DDX39B: variants seen among roughly 807,000 people sequenced by gnomAD.
DDX39B encodes the protein spliceosome RNA helicase DDX39B.
Under a neutral mutation model 46.4 loss-of-function variants are expected in DDX39B, and 6 were observed. The ratio of observed to expected loss-of-function variants is 0.13; its 90% confidence interval spans 0.07 to 0.26. DDX39B has a LOEUF of 0.26. Among genes scored for constraint, DDX39B ranks in the 10% least tolerant of loss-of-function variants. The pLI is 1.00. For missense variants in DDX39B, 185 were observed against 553.4 expected (o/e 0.33, Z 6.68); for synonymous variants, 174 against 199.4 (o/e 0.87, Z 1.07).
rs965271111 is a variant in DDX39B, at chr6:31,535,575, G to C, written c.617-90C>G. The stretch of plus-strand genomic sequence containing the variant: ...TAGACTTCCCAGTGAGGTGAAGATT[G>C]CTGGAAATAGTAACAACACAATGGA... On this transcript the variant is annotated intron_variant, in intron 5 of 10. Coordinates refer to ENST00000396172, the MANE Select transcript of DDX39B (RefSeq NM_004640.7). The surrounding 1 kb of genome is among the most constrained non-coding windows in gnomAD (Gnocchi z 4.6). 1.1e-6 allele frequency: 1 copy of C among 946,228 alleles called. No homozygotes were observed. Among genetic ancestry groups the C allele is most frequent in the Non-Finnish European group, 1.7e-6 (1 of 602,798 alleles). The allele number at this position is 946,228 out of a possible 1,614,324, so 58.6% of individuals were successfully genotyped here.
Position 31,531,450 on chromosome 6 carries a change from G to A in DDX39B, c.868-45C>T, listed in dbSNP as rs1274122190. 1 of 1,562,082 alleles carries A rather than the reference G, an allele frequency of 6.4e-7. No homozygotes were observed. The highest frequency in any genetic ancestry group is 1.7e-5 in the Admixed American group (1 of 59,770). ...GGGGTCGCAAATTGGGGGAATAGGG[G>A]TCCATGGTGTGTGAGAGACATTACG... On this transcript the variant is annotated intron_variant, in intron 7 of 10. Coordinates refer to ENST00000396172, the MANE Select transcript of DDX39B (RefSeq NM_004640.7). The surrounding 1 kb of genome is among the most constrained non-coding windows in gnomAD (Gnocchi z 5.8).
At chr6:31,540,198 T>C in intron 2 of DDX39B, 124 bp downstream of exon 2, 3 of 1,087,762 alleles carry the variant, frequency 2.8e-6, no homozygotes, top group South Asian at 1.4e-5. Flanking sequence ...CGTGAGCCAC[T>C]GCACCTGGCC....
intron 2 of DDX39B, among the ~76,000 whole-genome samples, chr6:31,539,650 G>T (rs141292981): frequency 6.6e-6 from 1 of 151,868 alleles, no homozygotes. Flanking sequence ...GCTATACTTC[G>T]GGTCACGTAA....
rs777151694 is a variant in DDX39B at position 31,531,042 on chromosome 6, G to C, written c.1122+11C>G. On this transcript the variant is annotated intron_variant, in intron 9 of 10. Coordinates refer to ENST00000396172, the MANE Select transcript of DDX39B (RefSeq NM_004640.7). This position sits in a 1 kb window ranked among gnomAD's most constrained non-coding sequence, Gnocchi z 5.8. ...TGGGAGAGTGGGATTTTTTCAGCCT[G>C]TGAGGTTTACCCGATGCAGGTAGGT... The C allele has an allele frequency of 6.2e-7, 1 of 1,614,066 alleles. No individual in the cohort carries two copies. The highest frequency in any genetic ancestry group is 8.5e-7 in the Non-Finnish European group (1 of 1,179,992).
chr6:31,539,847 G>A (rs971322492), intron 2 of DDX39B, among the ~76,000 whole-genome samples: 3 of 152,210 alleles, frequency 2.0e-5, no homozygotes, highest in Non-Finnish European at 4.4e-5. Context: ...AAAATAAGCA[G>A]ACAAGAAAAG....
At chr6:31,533,131 C>G in intron 6 of DDX39B, 1 of 454,070 alleles carries the variant, frequency 2.2e-6, no homozygotes, top group South Asian at 2.2e-5. Flanking sequence ...TTAAGACTGC[C>G]CAACTAAAAA....
Position 31,534,761 on chromosome 6 carries a change from C to A in DDX39B, c.735+606G>T. ...CCGCGCCACGGTGCTTCTCTGTTGC[C>A]GGCTCACATCAACCGAGGTTCCAGA... On this transcript the variant is annotated intron_variant, in intron 6 of 10. Transcript: ENST00000396172. The surrounding 1 kb of genome is among the most constrained non-coding windows in gnomAD (Gnocchi z 5.1). 1 of 339,942 alleles carries A rather than the reference C, an allele frequency of 2.9e-6. No homozygotes were observed. The highest frequency in any genetic ancestry group is 5.8e-6 in the Non-Finnish European group (1 of 172,588). 21.1% of individuals were successfully genotyped at this position (339,942 alleles called of 1,614,324 possible).
Position 31,535,508 on chromosome 6 carries a change from T to G in DDX39B, c.617-23A>C. On this transcript the variant is annotated intron_variant, in intron 5 of 10. Transcript: ENST00000396172. The surrounding 1 kb of genome is among the most constrained non-coding windows in gnomAD (Gnocchi z 4.6). ...TGTCTACAAGAACAAGGAAAAAAAT[T>G]GTAGGAGAAAATAAGCAGGTATGAT... The G allele has an allele frequency of 6.3e-7, 1 of 1,592,266 alleles. No homozygotes were observed. Among genetic ancestry groups the G allele is most frequent in the South Asian group, 1.1e-5 (1 of 90,540 alleles).
In DDX39B at chr6:31,530,226, T is replaced by A; in HGVS notation, c.*208A>T. On this transcript the variant is annotated 3_prime_UTR_variant, in exon 11 of 11. Transcript: ENST00000396172. This position sits in a 1 kb window ranked among gnomAD's most constrained non-coding sequence, Gnocchi z 4.5. ...AATAAAGGGACGAAGCACTTATAGA[T>A]ACCACAGACACATGTGTTTCATTTT... is the stretch of plus-strand genomic sequence containing the variant. 1 of 768,004 alleles carries A rather than the reference T, an allele frequency of 1.3e-6. No individual in the cohort carries two copies. The highest frequency in any genetic ancestry group is 2.1e-6 in the Non-Finnish European group (1 of 482,118). The allele number at this position is 768,004 out of a possible 1,614,324, so 47.6% of individuals were successfully genotyped here. A position where few individuals can be genotyped will look rare whatever the true frequency, so the allele number is the denominator to read the frequency against.
intron 7 of DDX39B, 97 bp downstream of exon 7, chr6:31,532,683 A>G: frequency 6.8e-7 from 1 of 1,478,414 alleles, no homozygotes; most frequent in Non-Finnish European, 9.3e-7. Flanking sequence ...CCCACATCAC[A>G]CATGTGATTT....
At chr6:31,536,997 A>C (rs1266079) in intron 4 of DDX39B, among the ~76,000 whole-genome samples, 1 of 152,108 alleles carries the variant, frequency 6.6e-6, no homozygotes, top group East Asian at 1.9e-4. Context: ...GCACACGCCT[A>C]TAATTCCAGC....
intron 1 of DDX39B, chr6:31,541,263 T>A (rs1435563601): frequency 1.9e-6 from 1 of 526,972 alleles, no homozygotes; most frequent in African/African-American, 1.9e-5. Context: ...GTAATTAGCA[T>A]GGGGGGGAGG....
chr6:31,530,498 A>C lies in DDX39B; in HGVS notation c.1271-48T>G, dbSNP rs112506193. 2.4e-5 allele frequency: 39 copies of C among 1,612,252 alleles called. 1 individual carries two copies. Among genetic ancestry groups the C allele is most frequent in the African/African-American group, 1.9e-4 (14 of 75,038 alleles). On this transcript the variant is annotated intron_variant, in intron 10 of 10. Coordinates refer to ENST00000396172, the MANE Select transcript of DDX39B (RefSeq NM_004640.7). The surrounding 1 kb of genome is among the most constrained non-coding windows in gnomAD (Gnocchi z 4.5). ...TCAGAATAAGGCATGAAAAGGGGAA[A>C]GTGAGGCAGGAACACACGGCACACA... is the stretch of plus-strand genomic sequence containing the variant.
At chr6:31,532,611 A>G in intron 7 of DDX39B, 169 bp downstream of exon 7, 1 of 798,998 alleles carries the variant, frequency 1.3e-6, no homozygotes, top group Non-Finnish European at 1.9e-6. Flanking sequence ...CATAGAATAG[A>G]AAAGCAGCTC....
At chr6:31,539,056 G>A in intron 3 of DDX39B, 91 bp downstream of exon 3, 2 of 1,605,720 alleles carry the variant, frequency 1.2e-6, no homozygotes, top group Non-Finnish European at 1.7e-6. Flanking sequence ...ATGTGCTCAT[G>A]GCTCTGCAAG....
rs772181690 is a variant in DDX39B at position 31,541,971 on chromosome 6, G to A, written c.-154C>T. The A allele has an allele frequency of 2.7e-5, 18 of 674,854 alleles. No homozygotes were observed. Among genetic ancestry groups the A allele is most frequent in the Non-Finnish European group, 4.4e-5 (16 of 364,616 alleles). The allele number at this position is 674,854 out of a possible 1,614,324, so 41.8% of individuals were successfully genotyped here. ...TTACCTAAACAGGGAGAGCGCGTAT[G>A]GCGGCAGCAACAGCGACGAAGGAGG... is the stretch of plus-strand genomic sequence containing the variant. On this transcript the variant is annotated 5_prime_UTR_variant, in exon 1 of 11. Coordinates refer to ENST00000396172, the MANE Select transcript of DDX39B (RefSeq NM_004640.7).
At chr6:31,538,724 G>A (rs1488559561) in intron 4 of DDX39B, 39 bp downstream of exon 4, 19 of 1,566,666 alleles carry the variant, frequency 1.2e-5, no homozygotes, top group Non-Finnish European at 1.6e-5. Flanking sequence ...CCTCCAACTT[G>A]CCACACCCTC....
chr6:31,541,496 A>G, intron 1 of DDX39B: 1 of 388,194 alleles, frequency 2.6e-6, no homozygotes, highest in Non-Finnish European at 5.3e-6. Context: ...AGGCACTCCA[A>G]ATTAAGTTGG....
chr6:31,541,573 G>A (rs977338997), intron 1 of DDX39B: 10 of 462,022 alleles, frequency 2.2e-5, no homozygotes, highest in Non-Finnish European at 4.5e-5. Context: ...CCCACCGAGG[G>A]CCGAGAAAGA....
Sources: gnomAD v4.1 joint callset for allele counts (sites outside exome capture counted in the v4.1 genomes callset) on GRCh38, gnomAD v4.1.1 for gene constraint, Gnocchi (gnomAD v3.1) non-coding constraint, MANE v1.5 for transcripts, NCBI Gene and HGNC (gene_info 2026-07-23, HGNC 2026-07-21) for gene names.